Variants in ULK4 observed in about 807,000 individuals in gnomAD.
The protein encoded by ULK4 is unc-51 like kinase 4, also known as inactive serine/threonine-protein kinase ULK4.
Under a neutral mutation model 160.6 loss-of-function variants are expected in ULK4, and 133 were observed. The observed-to-expected ratio is 0.83, with a 90% confidence interval of 0.72 to 0.96. The LOEUF is 0.96. Ranked by LOEUF, ULK4 falls within the 40% of genes least tolerant of loss-of-function variation. ULK4 has a pLI of 0.00. For synonymous variants in ULK4, 534 were observed against 539.8 expected (o/e 0.99, Z 0.15); for missense variants, 1,580 against 1,499.5 (o/e 1.05, Z -0.89).
At chr3:41,400,195 T>C (rs1234226964) in intron 34 of ULK4, among the ~76,000 whole-genome samples, 1 of 152,166 alleles carries the variant, frequency 6.6e-6, no homozygotes, top group African/African-American at 2.4e-5. Context: ...ATCAACCTTA[T>C]TCTGATTTTA....
chr3:41,430,081 A>ACCTTAGT (rs1192103674), intron 34 of ULK4, among the ~76,000 whole-genome samples: 2 of 152,188 alleles, frequency 1.3e-5, no homozygotes, highest in Non-Finnish European at 1.5e-5. Context: ...ATATATACTA[A>ACCTTAGT]ATGAAAACAA....
intron 23 of ULK4, among the ~76,000 whole-genome samples, chr3:41,715,984 T>C (rs2125843408): frequency 6.6e-6 from 1 of 151,448 alleles, no homozygotes; most frequent in African/African-American, 2.4e-5. Context: ...GAGGCCGAGG[T>C]GGGCAGATCA....
chr3:41,534,686 G>C (rs1391290506), intron 32 of ULK4, among the ~76,000 whole-genome samples: 1 of 152,006 alleles, frequency 6.6e-6, no homozygotes, highest in African/African-American at 2.4e-5. Flanking sequence ...TTGACTCTAA[G>C]ATGCCACTGA....
rs1698684648 is a variant in ULK4, at chr3:41,909,175, A to C, written c.1086-1234T>G. ...ACTTGGGAGGCTGAGGCAGAAGAAT[A>C]GCTTAAACAGTGTAGGTGAAGGTTG... On this transcript the variant is annotated intron_variant, in intron 11 of 36. Transcript: ENST00000301831. 4.0e-5 allele frequency among the ~76,000 whole-genome samples: 6 copies of C among 151,562 alleles called. No individual in the cohort carries two copies. The South Asian group carries it at 1.2e-3, about 32-fold the overall frequency.
Position 41,828,405 on chromosome 3 carries a change from GTC to G in ULK4, c.1764+7457_1764+7458del, listed in dbSNP as rs554563858. Among the ~76,000 whole-genome samples, 7 of 149,388 alleles carry G rather than the reference GTC, an allele frequency of 4.7e-5. 1 individual carries two copies. Among genetic ancestry groups the G allele is most frequent in the African/African-American group, 1.7e-4 (7 of 40,004 alleles). ...GATTGTATATCTAGAAAACCCCATTGTCTCAGCCCAAAATCTCCTTAAGCTGA... is the reference window on the plus strand; with the variant it reads ...GATTGTATATCTAGAAAACCCCATTGTCAGCCCAAAATCTCCTTAAGCTGA... On this transcript the variant is annotated intron_variant, in intron 18 of 36. Transcript: ENST00000301831.
At chr3:41,696,678 G>A (rs2036514745) in intron 27 of ULK4, among the ~76,000 whole-genome samples, 1 of 152,104 alleles carries the variant, frequency 6.6e-6, no homozygotes, top group South Asian at 2.1e-4. Flanking sequence ...GGTCCCTATA[G>A]TCCTGATCTC....
intron 34 of ULK4, among the ~76,000 whole-genome samples, chr3:41,412,553 ATTTT>A (rs57224854): frequency 0.091 from 9,107 of 100,294 alleles, 593 homozygotes; most frequent in East Asian, 0.32. Context: ...ATGCAGTTGA[ATTTT>A]TTTTTTTTTT....
At chr3:41,534,516 CAAA>C (rs11381017) in intron 32 of ULK4, among the ~76,000 whole-genome samples, 3 of 142,110 alleles carry the variant, frequency 2.1e-5, no homozygotes, top group East Asian at 2.1e-4. Flanking sequence ...AATGTTTAAG[CAAA>C]AAAAAAAAAA....
chr3:41,863,402 A>T (rs2042549208), intron 17 of ULK4, among the ~76,000 whole-genome samples: 1 of 151,582 alleles, frequency 6.6e-6, no homozygotes, highest in Non-Finnish European at 1.5e-5. Flanking sequence ...CAAGTCCTGA[A>T]ATCAGAGATC....
chr3:41,321,066 T>C (rs1037182533), intron 35 of ULK4, among the ~76,000 whole-genome samples: 1 of 152,112 alleles, frequency 6.6e-6, no homozygotes, highest in Non-Finnish European at 1.5e-5. Context: ...CAGGCCTCTC[T>C]GGTTCTTACT....
At chr3:41,604,600 T>TA (rs1276722481) in intron 31 of ULK4, among the ~76,000 whole-genome samples, 1 of 152,124 alleles carries the variant, frequency 6.6e-6, no homozygotes, top group Non-Finnish European at 1.5e-5. Flanking sequence ...AGGAAGCACC[T>TA]AACAGGCAGC....
At chr3:41,949,387 A>C (rs1247106149) in intron 2 of ULK4, among the ~76,000 whole-genome samples, 7 of 152,220 alleles carry the variant, frequency 4.6e-5, no homozygotes, top group Non-Finnish European at 1.0e-4. Flanking sequence ...CAAATTTTGC[A>C]AAGTAAAATA....
intron 17 of ULK4, among the ~76,000 whole-genome samples, chr3:41,876,976 T>G (rs1055221285): frequency 2.0e-5 from 3 of 152,154 alleles, no homozygotes; most frequent in African/African-American, 7.2e-5. Context: ...TGGCAATAAT[T>G]CATTAAGCAA....
chr3:41,887,986 G>A (rs1275873516), intron 16 of ULK4, among the ~76,000 whole-genome samples: 2 of 151,652 alleles, frequency 1.3e-5, no homozygotes, highest in Non-Finnish European at 2.9e-5. Context: ...AATAAAGTGA[G>A]ACCCTGTCTC....
At chr3:41,828,202 G>GA (rs1227137361) in intron 18 of ULK4, among the ~76,000 whole-genome samples, 1 of 143,420 alleles carries the variant, frequency 7.0e-6, no homozygotes, top group East Asian at 2.0e-4. Flanking sequence ...ATACTGAATG[G>GA]AAAAAAACTG....
At chr3:41,693,108 T>A (rs992514962) in intron 27 of ULK4, among the ~76,000 whole-genome samples, 18 of 152,330 alleles carry the variant, frequency 1.2e-4, no homozygotes, top group African/African-American at 3.6e-4. Context: ...TTTGTTTAAA[T>A]CTTCTTTACA....
intron 30 of ULK4, among the ~76,000 whole-genome samples, chr3:41,648,793 C>A (rs961841883): frequency 2.0e-5 from 3 of 152,132 alleles, no homozygotes; most frequent in Non-Finnish European, 2.9e-5. Context: ...TCCAACATCA[C>A]CAGTTTTACC....
intron 17 of ULK4, among the ~76,000 whole-genome samples, chr3:41,850,172 T>C (rs1450322869): frequency 3.9e-5 from 6 of 152,210 alleles, no homozygotes; most frequent in African/African-American, 7.2e-5. Flanking sequence ...TAGTATTCCA[T>C]GGTGTATATG....
chr3:41,831,520 T>TAC, intron 18 of ULK4, among the ~76,000 whole-genome samples: 1 of 130,834 alleles, frequency 7.6e-6, no homozygotes, highest in Non-Finnish European at 1.5e-5. Context: ...TGTTATTTTA[T>TAC]ATATATATAT....
Sources: allele counts gnomAD v4.1 joint callset (sites outside exome capture counted in the v4.1 genomes callset), GRCh38; gene constraint gnomAD v4.1.1; transcripts MANE v1.5; gene names NCBI Gene and HGNC (gene_info 2026-07-23, HGNC 2026-07-21).